DOK7: variants seen among roughly 807,000 people sequenced by gnomAD.
The protein encoded by DOK7 is docking protein 7.
In DOK7, 32 loss-of-function variants were observed where a neutral mutation model predicts 30.7. The observed-to-expected ratio is 1.04, with a 90% CI of 0.79 to 1.40. The LOEUF (loss-of-function observed/expected upper bound fraction) is 1.40. Ranked by LOEUF, DOK7 falls within the 40% of genes most tolerant of loss-of-function variation. The pLI is 0.00. For synonymous variants in DOK7, 447 were observed against 324.1 expected, an observed-to-expected ratio of 1.38 and a Z score of -4.07; for missense variants, 1,007 against 699.2, an observed-to-expected ratio of 1.44 and a Z score of -4.97.
exon 7 of DOK7, chr4:3,494,481 TACC>T (rs746657808): frequency 4.1e-6 from 4 of 985,512 alleles, no homozygotes; most frequent in East Asian, 1.1e-4. Context: ...GTTCTTTCCT[TACC>T]ACCTTGTCCT....
intron 4 of DOK7, among the ~76,000 whole-genome samples, chr4:3,481,910 C>A (rs75450196): frequency 6.6e-6 from 1 of 152,078 alleles, no homozygotes; most frequent in Non-Finnish European, 1.5e-5. Context: ...GAAGCAGGTG[C>A]GTCTGTAACG....
At chr4:3,496,847 G>A, downstream of DOK7, 2 of 1,535,730 alleles carry the variant, frequency 1.3e-6, no homozygotes, top group Non-Finnish European at 1.7e-6. Context: ...CCCAGGACCT[G>A]CGACAGCACA....
intron 2 of DOK7, among the ~76,000 whole-genome samples, chr4:3,472,719 G>T (rs1010457741): frequency 2.6e-5 from 4 of 152,252 alleles, no homozygotes; most frequent in African/African-American, 4.8e-5. Context: ...AAATGGGAAG[G>T]TGGGGGTGGA....
chr4:3,464,479 T>G (rs1384359924), intron 2 of DOK7, among the ~76,000 whole-genome samples: 1 of 152,102 alleles, frequency 6.6e-6, no homozygotes, highest in Admixed American at 6.5e-5. Flanking sequence ...CCTGGAGCTG[T>G]GGGGGCACCG....
At chr4:3,476,916 G>A (rs369762997) in intron 4 of DOK7, among the ~76,000 whole-genome samples, 1 of 152,242 alleles carries the variant, frequency 6.6e-6, no homozygotes, top group African/African-American at 2.4e-5. Context: ...CATAAGCACC[G>A]CAGAAACATA....
At chr4:3,473,334 G>A in intron 2 of DOK7, 72 bp from the exon 3 acceptor site, 1 of 1,502,962 alleles carries the variant, frequency 6.7e-7, no homozygotes, top group Non-Finnish European at 9.1e-7. Context: ...CACTGTCACG[G>A]CCTCCCCGGG....
intron 6 of DOK7, 129 bp downstream of exon 6, chr4:3,489,925 T>G: frequency 2.2e-6 from 3 of 1,395,206 alleles, no homozygotes; most frequent in South Asian, 2.8e-5. Flanking sequence ...TTCTGTCTCC[T>G]GCTCATTCAT....
intron 3 of DOK7, among the ~76,000 whole-genome samples, chr4:3,474,403 G>C (rs1189730195): frequency 6.6e-6 from 1 of 152,152 alleles, no homozygotes; most frequent in Non-Finnish European, 1.5e-5. Context: ...TTTTAGGCTG[G>C]GCACGGTGGC....
intron 4 of DOK7, among the ~76,000 whole-genome samples, chr4:3,479,261 T>C (rs970023423): frequency 1.3e-5 from 2 of 152,208 alleles, no homozygotes; most frequent in African/African-American, 4.8e-5. Flanking sequence ...TTCAGTCTCT[T>C]GCAGTCTGTG....
At chr4:3,496,506 C>A (rs1728921733), downstream of DOK7, among the ~76,000 whole-genome samples, 1 of 152,248 alleles carries the variant, frequency 6.6e-6, no homozygotes, top group East Asian at 1.9e-4. Context: ...AATAGTGGGG[C>A]TGGACTGGGC....
At chr4:3,496,611 C>A (rs1390868490), downstream of DOK7, among the ~76,000 whole-genome samples, 3 of 152,168 alleles carry the variant, frequency 2.0e-5, no homozygotes, top group East Asian at 1.9e-4. Flanking sequence ...GTGGTCAAGG[C>A]AGTGGGTGGC....
downstream of DOK7, among the ~76,000 whole-genome samples, chr4:3,496,464 G>A (rs563872332): frequency 5.3e-4 from 81 of 152,376 alleles, no homozygotes; most frequent in African/African-American, 1.8e-3. Flanking sequence ...TTGCATGGGC[G>A]TGGTACTCCT....
At chr4:3,484,423 C>A (rs1234741711) in intron 4 of DOK7, 8 of 916,102 alleles carry the variant, frequency 8.7e-6, no homozygotes, top group African/African-American at 3.6e-5. Flanking sequence ...CTGCCCACCC[C>A]GGCGCCTTCC....
At chr4:3,482,650 C>G (rs1257556304) in intron 4 of DOK7, among the ~76,000 whole-genome samples, 9 of 152,284 alleles carry the variant, frequency 5.9e-5, no homozygotes, top group Non-Finnish European at 1.2e-4. Flanking sequence ...TGCAGTCACA[C>G]CTGTGTGATA....
chr4:3,488,981 G>C (rs1217374689), intron 5 of DOK7, among the ~76,000 whole-genome samples: 2 of 152,334 alleles, frequency 1.3e-5, no homozygotes, highest in Admixed American at 6.5e-5. Flanking sequence ...GCTGAGGCTC[G>C]CAGCAGCGGT....
chr4:3,496,054 T>TAGCTGCC (rs1163981815), downstream of DOK7, among the ~76,000 whole-genome samples: 4 of 152,316 alleles, frequency 2.6e-5, no homozygotes, highest in African/African-American at 9.6e-5. Flanking sequence ...GCCTTCTTTC[T>TAGCTGCC]AGCTGCCGGC....
intron 4 of DOK7, 66 bp from the exon 5 acceptor site, chr4:3,485,473 C>G: frequency 7.0e-7 from 1 of 1,436,886 alleles, no homozygotes. Flanking sequence ...TTCCTGTGTT[C>G]CTCCTCTTCA....
chr4:3,493,215 G>A lies in DOK7; in HGVS notation c.1229G>A (p.Ser410Asn), dbSNP rs1301281918. The A allele has an allele frequency of 6.2e-7, 1 of 1,611,950 alleles. No homozygotes were observed. The highest frequency in any genetic ancestry group is 1.1e-5 in the South Asian group (1 of 90,988). ...CGGGCCCACTATGACACACCACGCA[G>A]CCTTTGCCTGGCTCCTAGAGACCAC... is the stretch of plus-strand genomic sequence containing the variant. ...SLRAHYDTPR[S>N]LCLAPRDHSP... Residue 410 changes from serine to asparagine, a missense_variant, in exon 7 of 7, where the codon AGC becomes AAC. Ser to Asn is a conservative substitution (Grantham distance 46). Coordinates refer to ENST00000340083, the MANE Select transcript of DOK7 (RefSeq NM_173660.5).
chr4:3,484,705 A>C (rs1312214694), intron 4 of DOK7: 8 of 985,326 alleles, frequency 8.1e-6, no homozygotes, highest in South Asian at 4.7e-5. Flanking sequence ...GCAGGGGTGG[A>C]TGCTGGCCCC....
Sources: allele counts gnomAD v4.1 joint callset (sites outside exome capture counted in the v4.1 genomes callset), GRCh38; gene constraint gnomAD v4.1.1; transcripts MANE v1.5; gene names NCBI Gene and HGNC (gene_info 2026-07-23, HGNC 2026-07-21).